The following IGF1R variants were observed in gnomAD, a reference collection of about 807,000 sequenced individuals.
IGF1R encodes insulin-like growth factor 1 receptor.
In IGF1R, 44 loss-of-function variants were observed where a neutral mutation model predicts 144.6. That is an observed-to-expected ratio of 0.30 (90% CI 0.24 to 0.39). The LOEUF (loss-of-function observed/expected upper bound fraction) is 0.39, where lower values mean the gene tolerates loss of function less well. Among genes scored for constraint, IGF1R ranks in the 10% least tolerant of loss-of-function variants. IGF1R has a pLI of 1.00. For missense variants in IGF1R, 1,355 were observed against 1,833.7 expected, an observed-to-expected ratio of 0.74 and a Z score of 4.77; for synonymous variants, 795 against 722.8, an observed-to-expected ratio of 1.10 and a Z score of -1.60.
At chr15:98,699,002 A>G (rs1386400013) in intron 1 of IGF1R, among the ~76,000 whole-genome samples, 4 of 152,256 alleles carry the variant, frequency 2.6e-5, no homozygotes, top group African/African-American at 9.6e-5. Context: ...GTGTTCTACA[A>G]AATGAAGCCA....
intron 2 of IGF1R, among the ~76,000 whole-genome samples, chr15:98,889,999 C>A (rs2013827241): frequency 2.0e-5 from 3 of 152,220 alleles, no homozygotes; most frequent in Admixed American, 2.0e-4. Flanking sequence ...GTGATCACGA[C>A]AGCATTGTTA....
intron 2 of IGF1R, among the ~76,000 whole-genome samples, chr15:98,883,936 C>T (rs956808436): frequency 6.6e-6 from 1 of 152,130 alleles, no homozygotes; most frequent in Non-Finnish European, 1.5e-5. Context: ...AAACTCTTTG[C>T]CTTTAGGCCC....
At chr15:98,752,932 A>ATTT (rs775327338) in intron 2 of IGF1R, among the ~76,000 whole-genome samples, 1,686 of 69,834 alleles carry the variant, frequency 0.024, 61 homozygotes, top group African/African-American at 0.034. Context: ...AAATCATACT[A>ATTT]TTTTTTTTTT....
At position 98,721,737 on chromosome 15, in the gene IGF1R, A is replaced by C. The variant is rs368190164; in HGVS notation, c.640+13630A>C. Among the ~76,000 whole-genome samples the C allele has an allele frequency of 2.0e-5, 3 of 152,352 alleles. No homozygotes were observed. In the South Asian group the frequency reaches 6.2e-4, roughly 32 times the overall value. ...AAAGAGATTTACAAAACATTTTTGG[A>C]TGACCAAATTGGTCCCTGGTTCTAG... On this transcript the variant is annotated intron_variant, in intron 2 of 20. Coordinates refer to ENST00000650285, the MANE Select transcript of IGF1R (RefSeq NM_000875.5).
chr15:98,781,216 T>G (rs931372036), intron 2 of IGF1R, among the ~76,000 whole-genome samples: 2 of 152,232 alleles, frequency 1.3e-5, no homozygotes, highest in Non-Finnish European at 2.9e-5. Context: ...CCAAATTGAT[T>G]TATAATTTAA....
intron 2 of IGF1R, among the ~76,000 whole-genome samples, chr15:98,777,945 G>T (rs2055760040): frequency 6.6e-6 from 1 of 152,228 alleles, no homozygotes; most frequent in South Asian, 2.1e-4. Context: ...AAACCTTACA[G>T]TATAAAGACC....
At chr15:98,727,878 GC>G in intron 2 of IGF1R, among the ~76,000 whole-genome samples, 1 of 152,274 alleles carries the variant, frequency 6.6e-6, no homozygotes, top group Non-Finnish European at 1.5e-5. Flanking sequence ...GGGCTGCTGG[GC>G]CTGGAAAGTT....
intron 5 of IGF1R, among the ~76,000 whole-genome samples, chr15:98,905,761 ATTTAC>A (rs1222492510): frequency 3.3e-5 from 5 of 152,222 alleles, no homozygotes; most frequent in East Asian, 1.9e-4. Flanking sequence ...TTACTGAATA[ATTTAC>A]TTAAGTAATC....
chr15:98,736,003 A>G (rs953241492), intron 2 of IGF1R, among the ~76,000 whole-genome samples: 2 of 152,206 alleles, frequency 1.3e-5, no homozygotes, highest in Non-Finnish European at 1.5e-5. Context: ...ACTCACCAAT[A>G]TGGTTTCCTG....
At chr15:98,749,977 ACTT>A (rs2054968325) in intron 2 of IGF1R, among the ~76,000 whole-genome samples, 1 of 150,904 alleles carries the variant, frequency 6.6e-6, no homozygotes, top group Non-Finnish European at 1.5e-5. Context: ...TATTTGCTCG[ACTT>A]CTATCCCAGA....
chr15:98,951,301 G>A (rs971448607), intron 20 of IGF1R, among the ~76,000 whole-genome samples: 2 of 152,218 alleles, frequency 1.3e-5, no homozygotes, highest in African/African-American at 4.8e-5. Context: ...CAGATGCAGT[G>A]GCACTGGGTT....
rs1170414689 is a variant in IGF1R at position 98,948,787 on chromosome 15, G to A, written c.3722+79G>A. On this transcript the variant is annotated intron_variant, in intron 20 of 20. Coordinates refer to ENST00000650285, the MANE Select transcript of IGF1R (RefSeq NM_000875.5). The stretch of plus-strand genomic sequence containing the variant: ...GTTTTCTTGGGTCACAGGAGATTAG[G>A]AGATTAAAGCCATTCTCTCTGGTCC... 2.0e-6 allele frequency: 3 copies of A among 1,516,754 alleles called. No homozygotes were observed. The East Asian group carries it at 6.8e-5, about 34-fold the overall frequency. The allele number at this position is 1,516,754 out of a possible 1,614,324, so 94.0% of individuals were successfully genotyped here.
intron 2 of IGF1R, among the ~76,000 whole-genome samples, chr15:98,833,674 A>ATGT (rs2057042490): frequency 6.6e-6 from 1 of 152,242 alleles, no homozygotes; most frequent in African/African-American, 2.4e-5. Context: ...TAATAATAAC[A>ATGT]CAGATACCCA....
intron 2 of IGF1R, among the ~76,000 whole-genome samples, chr15:98,767,857 C>T (rs1484364898): frequency 6.6e-6 from 1 of 152,070 alleles, no homozygotes; most frequent in African/African-American, 2.4e-5. Flanking sequence ...CTCCATCTCC[C>T]AAGCATCTTA....
intron 1 of IGF1R, among the ~76,000 whole-genome samples, chr15:98,697,014 G>C (rs1489094299): frequency 4.6e-5 from 7 of 152,150 alleles, no homozygotes; most frequent in Non-Finnish European, 1.0e-4. Flanking sequence ...TACTCCTTTG[G>C]GGGAAGAGGT....
chr15:98,880,943 G>C (rs2013339539), intron 2 of IGF1R: 1 of 152,228 alleles, frequency 6.6e-6, no homozygotes, highest in Non-Finnish European at 1.5e-5. Context: ...CACAGAGCCA[G>C]TTCCACCCAA....
intron 1 of IGF1R, among the ~76,000 whole-genome samples, chr15:98,672,569 CAAA>C (rs60559912): frequency 9.9e-4 from 61 of 61,666 alleles, no homozygotes; most frequent in African/African-American, 2.4e-3. Flanking sequence ...GACTCCATCT[CAAA>C]AAAAAAAAAA....
chr15:98,915,622 A>G (rs140124671), intron 8 of IGF1R, among the ~76,000 whole-genome samples: 129 of 152,358 alleles, frequency 8.5e-4, no homozygotes, highest in Middle Eastern at 3.4e-3. Flanking sequence ...GGAGAATGGC[A>G]GTTGTAATAA....
intron 10 of IGF1R, among the ~76,000 whole-genome samples, chr15:98,918,304 C>T (rs572103126): frequency 1.3e-5 from 2 of 152,288 alleles, no homozygotes; most frequent in Admixed American, 6.5e-5. Flanking sequence ...CCTCACTGCC[C>T]CCGACCCTGA....
Sources: allele counts gnomAD v4.1 joint callset (sites outside exome capture counted in the v4.1 genomes callset), GRCh38; gene constraint gnomAD v4.1.1; transcripts MANE v1.5; gene names NCBI Gene and HGNC (gene_info 2026-07-23, HGNC 2026-07-21).